The following LRRC37A2 variants were observed in gnomAD, a reference collection of about 807,000 sequenced individuals.
LRRC37A2 encodes the protein leucine-rich repeat-containing protein 37A2.
A neutral mutation model predicts 68.8 loss-of-function variants in LRRC37A2; 9 were observed. That is an observed-to-expected ratio of 0.13 (90% CI 0.08 to 0.23). The LOEUF is 0.23. Among genes scored for constraint, LRRC37A2 ranks in the 10% least tolerant of loss-of-function variants. The probability of loss-of-function intolerance (pLI) is 1.00; values close to 1 mark genes in which losing one functional copy is unlikely to be tolerated. For synonymous variants in LRRC37A2, 63 were observed against 367.6 expected (o/e 0.17, Z 9.48); for missense variants, 168 against 950.4 (o/e 0.18, Z 10.82).
chr17:46,876,424 G>T, the LRRC37A2 span: 1 of 1,613,792 alleles, frequency 6.2e-7, no homozygotes, highest in Non-Finnish European at 8.5e-7. Flanking sequence ...GCCGCCTAGA[G>T]CTGTGGGCCC....
chr17:46,780,967 G>T, the LRRC37A2 span, among the ~76,000 whole-genome samples: 1 of 152,112 alleles, frequency 6.6e-6, no homozygotes, highest in African/African-American at 2.4e-5. Flanking sequence ...CGGGTGTGGT[G>T]GCGGTAATGC....
the LRRC37A2 span, among the ~76,000 whole-genome samples, chr17:46,916,509 T>C: frequency 6.6e-6 from 1 of 152,324 alleles, no homozygotes; most frequent in Non-Finnish European, 1.5e-5. Flanking sequence ...AACATACATA[T>C]AAAACTCTGA....
chr17:46,857,889 T>A, the LRRC37A2 span, among the ~76,000 whole-genome samples: 1 of 151,534 alleles, frequency 6.6e-6, no homozygotes, highest in South Asian at 2.1e-4. Context: ...TTATTTGTCT[T>A]CTTATTGAAT....
At chr17:46,752,770 TTC>T in the LRRC37A2 span, among the ~76,000 whole-genome samples, 1 of 151,930 alleles carries the variant, frequency 6.6e-6, no homozygotes, top group African/African-American at 2.4e-5. Flanking sequence ...GTAACTTTTT[TTC>T]TTTTTTTTTC....
the LRRC37A2 span, among the ~76,000 whole-genome samples, chr17:46,405,881 A>G: frequency 7.0e-6 from 1 of 143,784 alleles, no homozygotes; most frequent in African/African-American, 2.6e-5. Flanking sequence ...TATTATATAA[A>G]GGAACATTTT....
chr17:46,935,880 G>C, the LRRC37A2 span: 43 of 985,800 alleles, frequency 4.4e-5, no homozygotes, highest in Non-Finnish European at 4.9e-5. Context: ...ATAATAGGGC[G>C]TGGGTTCTGT....
At chr17:46,915,924 G>A in the LRRC37A2 span, among the ~76,000 whole-genome samples, 1 of 152,344 alleles carries the variant, frequency 6.6e-6, no homozygotes, top group South Asian at 2.1e-4. Context: ...TATGAGTTCA[G>A]AACTCTGGGC....
At chr17:46,995,967 C>T in the LRRC37A2 span, among the ~76,000 whole-genome samples, 1 of 152,122 alleles carries the variant, frequency 6.6e-6, no homozygotes, top group Admixed American at 6.5e-5. Context: ...CTGCTGGAAC[C>T]CCATCCATGC....
chr17:46,558,096 G>C (rs2057381082), downstream of LRRC37A2, among the ~76,000 whole-genome samples: 1 of 134,094 alleles, frequency 7.5e-6, no homozygotes, highest in Admixed American at 7.4e-5. Flanking sequence ...TTTTGCTCTT[G>C]TTGCTCAGTC....
chr17:46,889,600 A>C, the LRRC37A2 span, among the ~76,000 whole-genome samples: 1 of 152,176 alleles, frequency 6.6e-6, no homozygotes, highest in East Asian at 1.9e-4. Context: ...CCTGTCATCC[A>C]TACCTGTGCT....
the LRRC37A2 span, among the ~76,000 whole-genome samples, chr17:46,874,438 G>A: frequency 6.6e-6 from 1 of 152,204 alleles, no homozygotes; most frequent in African/African-American, 2.4e-5. Context: ...GCCTACGCCA[G>A]GTGTCTGAGT....
chr17:46,797,371 A>G, the LRRC37A2 span, among the ~76,000 whole-genome samples: 3 of 152,178 alleles, frequency 2.0e-5, no homozygotes, highest in Middle Eastern at 3.2e-3. Flanking sequence ...CTGGGTTTTG[A>G]AAAATCCTGG....
the LRRC37A2 span, among the ~76,000 whole-genome samples, chr17:46,863,849 C>T: frequency 6.6e-6 from 1 of 152,168 alleles, no homozygotes; most frequent in Non-Finnish European, 1.5e-5. Flanking sequence ...GAGCCGCTCA[C>T]AACTACATCC....
At chr17:46,818,738 C>G in the LRRC37A2 span, 25 of 835,070 alleles carry the variant, frequency 3.0e-5, no homozygotes, top group East Asian at 1.3e-4. Context: ...CAGCCGCCCC[C>G]CTCCCGAGCC....
chr17:46,614,189 TGTA>T, the LRRC37A2 span, among the ~76,000 whole-genome samples: 1 of 127,426 alleles, frequency 7.8e-6, no homozygotes, highest in Non-Finnish European at 1.5e-5. Flanking sequence ...TTATTACCAT[TGTA>T]GTTTTTTAGG....
the LRRC37A2 span, chr17:46,931,235 G>C: frequency 9.8e-7 from 1 of 1,024,822 alleles, no homozygotes; most frequent in South Asian, 1.3e-5. Flanking sequence ...ACATGGCTCT[G>C]ATACTCCAGG....
the LRRC37A2 span, chr17:47,018,108 G>A: frequency 6.5e-7 from 1 of 1,533,960 alleles, no homozygotes; most frequent in South Asian, 1.1e-5. Flanking sequence ...AGATGTGGAG[G>A]TTACCATAAC....
chr17:46,846,401 C>G, the LRRC37A2 span, among the ~76,000 whole-genome samples: 3 of 152,306 alleles, frequency 2.0e-5, no homozygotes, highest in African/African-American at 4.8e-5. Flanking sequence ...AGAAAAGAAA[C>G]AGGGGACAGG....
At chr17:47,022,203 C>T in the LRRC37A2 span, among the ~76,000 whole-genome samples, 789 of 42,942 alleles carry the variant, frequency 0.018, no homozygotes, top group Middle Eastern at 0.033. Flanking sequence ...CAGGTTCTTA[C>T]TTTGTCCTCT....
Sources: gnomAD v4.1 joint callset for allele counts (sites outside exome capture counted in the v4.1 genomes callset) on GRCh38, gnomAD v4.1.1 for gene constraint, MANE v1.5 for transcripts, NCBI Gene and HGNC (gene_info 2026-07-23, HGNC 2026-07-21) for gene names.